The following CNTNAP5 variants were observed in gnomAD, a reference collection of about 807,000 sequenced individuals.
CNTNAP5 encodes the protein contactin-associated protein-like 5.
CNTNAP5 carries 72 observed loss-of-function variants against 150.2 expected under a neutral mutation model. The observed-to-expected ratio is 0.48, with a 90% confidence interval of 0.40 to 0.58. CNTNAP5 has a LOEUF of 0.58. CNTNAP5 is among the 20% of genes least tolerant of loss of function. The pLI is 0.00. For missense variants in CNTNAP5, 1,636 were observed against 1,626.2 expected (o/e 1.01, Z -0.10); for synonymous variants, 672 against 619.8 (o/e 1.08, Z -1.25).
chr2:124,670,047 T>C (rs1455369094), intron 13 of CNTNAP5, among the ~76,000 whole-genome samples: 1 of 152,120 alleles, frequency 6.6e-6, no homozygotes, highest in Non-Finnish European at 1.5e-5. Context: ...GGGGCCCTCT[T>C]AGACCTTCCA....
chr2:124,803,750 G>T (rs922773786), intron 19 of CNTNAP5, among the ~76,000 whole-genome samples: 1 of 152,210 alleles, frequency 6.6e-6, no homozygotes, highest in African/African-American at 2.4e-5. Context: ...ACTCAAGGGA[G>T]GCAAGAATAA....
chr2:124,762,363 C>T (rs1680976295), intron 14 of CNTNAP5, among the ~76,000 whole-genome samples: 1 of 152,072 alleles, frequency 6.6e-6, no homozygotes, highest in Non-Finnish European at 1.5e-5. Flanking sequence ...GATAATAAAT[C>T]TGAAAATTTA....
chr2:124,099,227 G>A (rs1238631194), intron 1 of CNTNAP5, among the ~76,000 whole-genome samples: 2 of 152,012 alleles, frequency 1.3e-5, no homozygotes, highest in African/African-American at 2.4e-5. Flanking sequence ...CTACACCTAC[G>A]CAACTCTTTC....
intron 7 of CNTNAP5, among the ~76,000 whole-genome samples, chr2:124,483,566 T>C (rs1264545743): frequency 6.6e-6 from 1 of 152,116 alleles, no homozygotes; most frequent in Non-Finnish European, 1.5e-5. Flanking sequence ...TGGGGAGTGT[T>C]GAATGTGCTG....
At chr2:124,449,910 A>G (rs980520645) in intron 6 of CNTNAP5, among the ~76,000 whole-genome samples, 2 of 152,158 alleles carry the variant, frequency 1.3e-5, no homozygotes, top group African/African-American at 2.4e-5. Context: ...ACACTGGTGC[A>G]GAAACCCTGT....
At chr2:124,559,807 T>G (rs1232553795) in intron 10 of CNTNAP5, among the ~76,000 whole-genome samples, 1 of 152,218 alleles carries the variant, frequency 6.6e-6, no homozygotes, top group African/African-American at 2.4e-5. Flanking sequence ...TGGTGTCATG[T>G]GTCTTTTATC....
intron 21 of CNTNAP5, among the ~76,000 whole-genome samples, chr2:124,892,489 A>C (rs1678213417): frequency 6.6e-6 from 1 of 152,100 alleles, no homozygotes; most frequent in Non-Finnish European, 1.5e-5. Flanking sequence ...AAAATTCAAG[A>C]GACAAAACAA....
chr2:124,607,562 T>A (rs1677276415), intron 11 of CNTNAP5, among the ~76,000 whole-genome samples: 1 of 152,176 alleles, frequency 6.6e-6, no homozygotes. Context: ...AGAACATGAA[T>A]CCCAGGAAGT....
chr2:124,313,243 A>G (rs1249690037), intron 3 of CNTNAP5, among the ~76,000 whole-genome samples: 1 of 152,158 alleles, frequency 6.6e-6, no homozygotes, highest in Non-Finnish European at 1.5e-5. Flanking sequence ...ATCACCAGTC[A>G]GGAGTGGTTA....
intron 3 of CNTNAP5, among the ~76,000 whole-genome samples, chr2:124,393,723 G>A (rs539840168): frequency 3.9e-5 from 6 of 152,274 alleles, no homozygotes; most frequent in African/African-American, 9.6e-5. Flanking sequence ...TAAGTAAAGC[G>A]GGGCAGGATG....
intron 13 of CNTNAP5, among the ~76,000 whole-genome samples, chr2:124,670,569 A>G (rs990717457): frequency 6.6e-6 from 1 of 151,648 alleles, no homozygotes; most frequent in African/African-American, 2.4e-5. Context: ...GATGAAGCCC[A>G]ATTGAACTAT....
At chr2:124,151,443 G>A (rs1259896569) in intron 1 of CNTNAP5, among the ~76,000 whole-genome samples, 1 of 152,168 alleles carries the variant, frequency 6.6e-6, no homozygotes, top group African/African-American at 2.4e-5. Context: ...GCACTTGGAA[G>A]TCGGATGAAC....
chr2:124,414,060 C>T (rs1299404435), intron 3 of CNTNAP5, among the ~76,000 whole-genome samples: 1 of 150,444 alleles, frequency 6.6e-6, no homozygotes, highest in Non-Finnish European at 1.5e-5. Context: ...TCCTGAGTTC[C>T]AGCATTGGAT....
At chr2:124,843,510 C>A (rs1331896554) in intron 19 of CNTNAP5, among the ~76,000 whole-genome samples, 1 of 152,036 alleles carries the variant, frequency 6.6e-6, no homozygotes, top group Non-Finnish European at 1.5e-5. Flanking sequence ...ATAATGAATT[C>A]TTTTCCTCTG....
intron 3 of CNTNAP5, among the ~76,000 whole-genome samples, chr2:124,264,176 G>A (rs72843617): frequency 0.16 from 25,040 of 152,040 alleles, 2,428 homozygotes; most frequent in Non-Finnish European, 0.22. Flanking sequence ...TGCTCAAACC[G>A]TGGGTGTTCA....
intron 7 of CNTNAP5, among the ~76,000 whole-genome samples, chr2:124,484,379 G>A (rs1272958164): frequency 6.6e-6 from 1 of 152,154 alleles, no homozygotes; most frequent in Non-Finnish European, 1.5e-5. Context: ...ATGGATGAAG[G>A]CACTAGGTGT....
chr2:124,490,918 G>A (rs1694009199), intron 7 of CNTNAP5, among the ~76,000 whole-genome samples: 3 of 151,760 alleles, frequency 2.0e-5, no homozygotes, highest in South Asian at 4.2e-4. Flanking sequence ...TACTTATGTG[G>A]TATGCATTAT....
At chr2:124,776,169 G>T (rs576402533) in intron 17 of CNTNAP5, among the ~76,000 whole-genome samples, 2 of 152,216 alleles carry the variant, frequency 1.3e-5, no homozygotes, top group Admixed American at 6.5e-5. Context: ...CAAACTTAAC[G>T]CAAGATCTTT....
intron 10 of CNTNAP5, among the ~76,000 whole-genome samples, chr2:124,540,568 C>T (rs1573446561): frequency 6.6e-6 from 1 of 152,162 alleles, no homozygotes; most frequent in African/African-American, 2.4e-5. Flanking sequence ...TTTGCCTGAA[C>T]ATCCAAAAGT....
Sources: gnomAD v4.1 joint callset for allele counts (sites outside exome capture counted in the v4.1 genomes callset) on GRCh38, gnomAD v4.1.1 for gene constraint, MANE v1.5 for transcripts, NCBI Gene and HGNC (gene_info 2026-07-23, HGNC 2026-07-21) for gene names.